The following FOXK2 variants were observed in gnomAD, a reference collection of about 807,000 sequenced individuals.
FOXK2 encodes forkhead box protein K2.
In FOXK2, 24 loss-of-function variants were observed where a neutral mutation model predicts 53.3. The ratio of observed to expected loss-of-function variants is 0.45; its 90% CI spans 0.33 to 0.63. The LOEUF (loss-of-function observed/expected upper bound fraction) is 0.63, where lower values mean the gene tolerates loss of function less well. Ranked by LOEUF, FOXK2 falls within the 30% of genes least tolerant of loss-of-function variation. FOXK2 has a pLI of 0.03. For missense variants in FOXK2, 952 were observed against 910.5 expected, an observed-to-expected ratio of 1.05 and a Z score of -0.59; for synonymous variants, 505 against 407.1, an observed-to-expected ratio of 1.24 and a Z score of -2.89.
At chr17:82,534,781 A>G (rs559498136) in intron 1 of FOXK2, among the ~76,000 whole-genome samples, 11 of 152,120 alleles carry the variant, frequency 7.2e-5, no homozygotes, top group Admixed American at 6.5e-4. Flanking sequence ...AGTAATATTT[A>G]TTTTCCATGG....
Position 82,601,692 on chromosome 17 carries a change from A to C in FOXK2, c.*193A>C. ...CTTGAACAAAACCCACACACAACAAAACCTGATTTGGGAGACGGTGTCTCC... is the reference window on the plus strand; with the variant it reads ...CTTGAACAAAACCCACACACAACAACACCTGATTTGGGAGACGGTGTCTCC... On this transcript the variant is annotated 3_prime_UTR_variant, in exon 9 of 9. Transcript: ENST00000335255. 5.6e-6 allele frequency: 3 copies of C among 534,134 alleles called. No individual in the cohort carries two copies. The highest frequency in any genetic ancestry group is 6.6e-6 in the Non-Finnish European group (2 of 302,760). The allele number at this position is 534,134 out of a possible 1,614,324, so 33.1% of individuals were successfully genotyped here.
Position 82,520,216 on chromosome 17 carries a change from G to A in FOXK2, c.328G>A (p.Asp110Asn), listed in dbSNP as rs1250260183. ...PAQPRPDAGG[D>N]FYLRCLGKNG... Reference sequence around the variant, plus strand: ...GCAGCCCAGGCCCGACGCCGGCGGCGACTTCTACCTGCGCTGCTTGGGCAA... The same window carrying A: ...GCAGCCCAGGCCCGACGCCGGCGGCAACTTCTACCTGCGCTGCTTGGGCAA... The change falls in exon 1 of 9, where the codon GAC becomes AAC. Residue 110 changes from aspartate (D) to asparagine (N), a missense_variant. Around this residue, in one of 5 missense-constraint regions of FOXK2, gnomAD observed 163 missense variants for 165.5 expected, o/e 0.98. Coordinates refer to ENST00000335255, the MANE Select transcript of FOXK2 (RefSeq NM_004514.4). The A allele has an allele frequency of 7.5e-7, 1 of 1,326,308 alleles. No individual in the cohort carries two copies. The highest frequency in any genetic ancestry group is 2.3e-5 in the South Asian group (1 of 42,994). The allele number at this position is 1,326,308 out of a possible 1,614,324, so 82.2% of individuals were successfully genotyped here.
chr17:82,584,561 T>TC (rs971755439), intron 6 of FOXK2, among the ~76,000 whole-genome samples: 1 of 142,906 alleles, frequency 7.0e-6, no homozygotes, highest in Non-Finnish European at 1.5e-5. Flanking sequence ...TTTTTTTTTT[T>TC]TTTTTTTTTT....
At chr17:82,561,908 G>C (rs981906251) in intron 1 of FOXK2, among the ~76,000 whole-genome samples, 8 of 76,274 alleles carry the variant, frequency 1.0e-4, no homozygotes, top group South Asian at 5.2e-4. Context: ...CCTCTGTTGG[G>C]GGGGGGGGGT....
Position 82,524,139 on chromosome 17 carries a change from C to T in FOXK2, c.419+3832C>T, listed in dbSNP as rs1419007829. On this transcript the variant is annotated intron_variant, in intron 1 of 8. Coordinates refer to ENST00000335255, the MANE Select transcript of FOXK2 (RefSeq NM_004514.4). ...CCTGAACTCAGGTGATCCGTCCCGC[C>T]TCCGCTTCCCAAAGTGCTGGGATTA... Among the ~76,000 whole-genome samples, 4 of 152,156 alleles carry T rather than the reference C, an allele frequency of 2.6e-5. No homozygotes were observed. The East Asian group carries it at 7.7e-4, about 29-fold the overall frequency.
At chr17:82,549,693 T>TC (rs1450244336) in intron 1 of FOXK2, among the ~76,000 whole-genome samples, 5 of 152,238 alleles carry the variant, frequency 3.3e-5, no homozygotes, top group Non-Finnish European at 7.3e-5. Flanking sequence ...CGATAGCCAC[T>TC]TACAGAGCTG....
At chr17:82,548,402 G>A (rs1274620645) in intron 1 of FOXK2, among the ~76,000 whole-genome samples, 1 of 151,904 alleles carries the variant, frequency 6.6e-6, no homozygotes, top group Admixed American at 6.6e-5. Flanking sequence ...GGTTTAATTT[G>A]CCTTGCTGTT....
intron 1 of FOXK2, among the ~76,000 whole-genome samples, chr17:82,533,859 T>G (rs1288515321): frequency 6.7e-6 from 1 of 149,676 alleles, no homozygotes; most frequent in Non-Finnish European, 1.5e-5. Context: ...GTTAGCTGGG[T>G]GTGGTGGTGC....
chr17:82,545,533 G>C (rs1442400492), intron 1 of FOXK2, among the ~76,000 whole-genome samples: 3 of 151,556 alleles, frequency 2.0e-5, no homozygotes, highest in African/African-American at 7.3e-5. Flanking sequence ...TATGAATAAT[G>C]CTGTTGTGAA....
At chr17:82,582,674 CGAG>C (rs2045078298) in intron 4 of FOXK2, 64 bp from the exon 5 acceptor site, 3 of 1,359,708 alleles carry the variant, frequency 2.2e-6, no homozygotes, top group Non-Finnish European at 3.0e-6. Flanking sequence ...GGCACTAAAA[CGAG>C]GACACATTTT....
At chr17:82,549,137 A>C (rs184715012) in intron 1 of FOXK2, among the ~76,000 whole-genome samples, 159 of 152,280 alleles carry the variant, frequency 1.0e-3, no homozygotes, top group Middle Eastern at 0.01. Flanking sequence ...TTACGAGGCC[A>C]CTTGAAGTCC....
intron 4 of FOXK2, among the ~76,000 whole-genome samples, chr17:82,573,054 G>A (rs867843721): frequency 1.5e-4 from 23 of 152,228 alleles, no homozygotes; most frequent in Admixed American, 7.2e-4. Context: ...TTAGCTGAGT[G>A]TGGTGGCTTA....
chr17:82,576,781 G>A (rs1311597067), intron 4 of FOXK2: 5 of 617,200 alleles, frequency 8.1e-6, no homozygotes, highest in African/African-American at 3.7e-5. Context: ...CATTTTTATG[G>A]TGCTGTAATG....
At chr17:82,595,766 C>T in intron 8 of FOXK2, 3 of 1,289,044 alleles carry the variant, frequency 2.3e-6, no homozygotes, top group Non-Finnish European at 3.0e-6. Flanking sequence ...GGGTCCTTTC[C>T]CACTCCTCTC....
At chr17:82,543,450 G>C (rs1471762018) in intron 1 of FOXK2, among the ~76,000 whole-genome samples, 1 of 152,196 alleles carries the variant, frequency 6.6e-6, no homozygotes, top group Admixed American at 6.5e-5. Flanking sequence ...AGCACCTGCT[G>C]TGGGGGTGCC....
Position 82,582,820 on chromosome 17 carries a change from C to T in FOXK2, c.989C>T (p.Ser330Leu), listed in dbSNP as rs1467974784. Residue 330 changes from serine to leucine, a missense_variant, in exon 5 of 9, where the codon TCG (serine) becomes TTG (leucine). Physicochemically the swap from Ser to Leu is moderately radical, Grantham distance 145. This residue lies in a region of FOXK2 where 160 missense variants were observed against 214.2 expected (regional missense o/e 0.75). Transcript: ENST00000335255. Reference protein sequence around the residue: ...PRSQEEPGKGSFWRIDPASES... With the variant: ...PRSQEEPGKGLFWRIDPASES... Reference sequence around the variant, plus strand: ...TCCCAGGAAGAACCAGGCAAAGGCTCGTTCTGGAGGATAGACCCAGCCTCT... The same window carrying T: ...TCCCAGGAAGAACCAGGCAAAGGCTTGTTCTGGAGGATAGACCCAGCCTCT... 2 of 1,612,784 alleles carry T rather than the reference C, an allele frequency of 1.2e-6. No individual in the cohort carries two copies. Among genetic ancestry groups the T allele is most frequent in the South Asian group, 1.1e-5 (1 of 90,764 alleles).
chr17:82,542,005 C>T (rs933211969), intron 1 of FOXK2, among the ~76,000 whole-genome samples: 1 of 151,970 alleles, frequency 6.6e-6, no homozygotes, highest in South Asian at 2.1e-4. Flanking sequence ...CTCAGCCACC[C>T]TAGTAGCTGG....
chr17:82,589,981 G>A (rs1461116437), intron 8 of FOXK2, among the ~76,000 whole-genome samples: 1 of 152,032 alleles, frequency 6.6e-6, no homozygotes, highest in African/African-American at 2.4e-5. Flanking sequence ...GGGAGATGGA[G>A]GTTGCAGTGA....
At chr17:82,558,353 CAG>C (rs1355269665) in intron 1 of FOXK2, among the ~76,000 whole-genome samples, 2 of 152,176 alleles carry the variant, frequency 1.3e-5, no homozygotes, top group Non-Finnish European at 2.9e-5. Context: ...GAAAAGGAAA[CAG>C]AACCGATGCA....
Sources: gnomAD v4.1 joint callset for allele counts (sites outside exome capture counted in the v4.1 genomes callset) on GRCh38, gnomAD v4.1.1 for gene constraint, gnomAD v4.1.1 regional missense constraint, MANE v1.5 for transcripts, NCBI Gene and HGNC (gene_info 2026-07-23, HGNC 2026-07-21) for gene names.